UBXN11: variants seen among roughly 807,000 people sequenced by gnomAD.
UBXN11 encodes the protein UBX domain-containing protein 11.
In UBXN11, 47 loss-of-function variants were observed where a neutral mutation model predicts 62.8. The observed-to-expected ratio is 0.75, with a 90% CI of 0.59 to 0.95. UBXN11 has a LOEUF of 0.95. UBXN11 is among the 40% of genes least tolerant of loss of function. The pLI, the probability that UBXN11 is intolerant of heterozygous loss-of-function variation, is 0.00. For synonymous variants in UBXN11, 294 were observed against 267.0 expected (o/e 1.10, Z -0.99); for missense variants, 638 against 661.7 (o/e 0.96, Z 0.39).
At chr1:26,286,146 T>A in intron 8 of UBXN11, 109 bp from the exon 9 acceptor site, 1 of 966,218 alleles carries the variant, frequency 1.0e-6, no homozygotes, top group Non-Finnish European at 1.5e-6. Context: ...AATGTCTCCT[T>A]AACTGACTGC....
chr1:26,282,593 A>G, intron 14 of UBXN11, 24 bp from the exon 15 acceptor site: 6 of 1,611,498 alleles, frequency 3.7e-6, no homozygotes, highest in Non-Finnish European at 5.1e-6. Context: ...AGAGCAGATC[A>G]GGCTGGGCAG....
At chr1:26,317,363 A>C (rs2073807989) in intron 1 of UBXN11, among the ~76,000 whole-genome samples, 1 of 152,190 alleles carries the variant, frequency 6.6e-6, no homozygotes, top group South Asian at 2.1e-4. Context: ...AACTGAAACC[A>C]GGCTTCCCGA....
At chr1:26,302,974 G>A (rs11803933) in intron 1 of UBXN11, 56 bp from the exon 2 acceptor site, 2 of 1,299,620 alleles carry the variant, frequency 1.5e-6, no homozygotes, top group South Asian at 1.3e-5. Flanking sequence ...CCAAGCCCAG[G>A]GGGTAGCCTG....
chr1:26,310,356 G>A (rs2073728681), upstream of UBXN11, among the ~76,000 whole-genome samples: 1 of 152,152 alleles, frequency 6.6e-6, no homozygotes. Context: ...TGGCCAACAT[G>A]GTGAAACCCC....
At chr1:26,318,144 G>A (rs999435701) in exon 1 of UBXN11, 4 of 1,278,948 alleles carry the variant, frequency 3.1e-6, no homozygotes, top group East Asian at 4.6e-5. Flanking sequence ...CATACAGGAT[G>A]TGAGCTCCCA....
At chr1:26,296,203 T>TGTGAGTGGGGGAAAGAAAG (rs1361825745) in intron 7 of UBXN11, among the ~76,000 whole-genome samples, 1 of 152,224 alleles carries the variant, frequency 6.6e-6, no homozygotes, top group African/African-American at 2.4e-5. Flanking sequence ...TGAATGGGTC[T>TGTGAGTGGGGGAAAGAAAG]GTGAGCGGGG....
At chr1:26,290,174 C>T (rs2073226514) in intron 8 of UBXN11, among the ~76,000 whole-genome samples, 1 of 152,220 alleles carries the variant, frequency 6.6e-6, no homozygotes, top group Admixed American at 6.5e-5. Context: ...GCATCACAGC[C>T]AATCACATGC....
chr1:26,302,684 G>T, intron 2 of UBXN11, 129 bp downstream of exon 2: 1 of 997,876 alleles, frequency 1.0e-6, no homozygotes, highest in South Asian at 1.9e-5. Flanking sequence ...AAAAGACAGT[G>T]GTCAGGGAAG....
chr1:26,289,278 T>C (rs1021717839), intron 8 of UBXN11, among the ~76,000 whole-genome samples: 4 of 152,252 alleles, frequency 2.6e-5, no homozygotes, highest in Non-Finnish European at 4.4e-5. Flanking sequence ...GTTTGGCAGA[T>C]GGTGGCTGTT....
chr1:26,302,831 G>C lies in UBXN11; in HGVS notation c.53C>G (p.Ser18Trp). ...TCCTTACCCAGGATTCATAGGCTCCGAGGGCAGGGGCACTTTTCGGGTCTT... is the reference window on the plus strand; with the variant it reads ...TCCTTACCCAGGATTCATAGGCTCCCAGGGCAGGGGCACTTTTCGGGTCTT... ...LSKTRKVPLP[S>W]EPMNPGRRGI... Residue 18 changes from serine (S) to tryptophan (W), a missense_variant, in exon 2 of 15, where the codon TCG becomes TGG. Coordinates refer to ENST00000374222, the MANE Select transcript of UBXN11 (RefSeq NM_001389556.1). The C allele has an allele frequency of 6.2e-7, 1 of 1,613,768 alleles. No individual in the cohort carries two copies. The highest frequency in any genetic ancestry group is 1.1e-5 in the South Asian group (1 of 91,058).
upstream of UBXN11, among the ~76,000 whole-genome samples, chr1:26,308,324 A>C (rs2073704339): frequency 6.6e-6 from 1 of 152,136 alleles, no homozygotes; most frequent in African/African-American, 2.4e-5. Context: ...AAACAAGCTC[A>C]GGGTAGTACA....
rs1243987459 is a variant in UBXN11 at position 26,282,310 on chromosome 1, TGGGACTGGGTCCAGGACA to T, written c.1534_1551del (p.Cys512_Pro517del). On this transcript the variant is annotated inframe_deletion, in exon 15 of 15. Coordinates refer to ENST00000374222, the MANE Select transcript of UBXN11 (RefSeq NM_001389556.1). ...AGGGGGCGGGTGCTTTATTGGGGGC[TGGGACTGGGTCCAGGACA>T]GGGACTGGGGCCGGGACCGGGACCG... The T allele has an allele frequency of 1.3e-4, 193 of 1,466,928 alleles. 1 individual carries two copies. The highest frequency in any genetic ancestry group is 1.3e-3 in the Middle Eastern group (6 of 4,604). The allele number at this position is 1,466,928 out of a possible 1,614,324, so 90.9% of individuals were successfully genotyped here. A position where few individuals can be genotyped will look rare whatever the true frequency, so the allele number is the denominator to read the frequency against.
rs754597365 is a variant in UBXN11, at chr1:26,284,271, C to T, written c.974-26G>A. ...CTACAGGCAGAGTTGGGAACCGGGG[C>T]CCAGGAAGGACTATGAGTGGTGGTG... On this transcript the variant is annotated intron_variant, in intron 11 of 14. Coordinates refer to ENST00000374222, the MANE Select transcript of UBXN11 (RefSeq NM_001389556.1). 18 of 1,606,468 alleles carry T rather than the reference C, an allele frequency of 1.1e-5. No homozygotes were observed. In the South Asian group the frequency reaches 1.9e-4, roughly 17 times the overall value.
intron 1 of UBXN11, among the ~76,000 whole-genome samples, chr1:26,316,215 C>T (rs1308948782): frequency 2.0e-5 from 3 of 149,330 alleles, no homozygotes; most frequent in East Asian, 2.0e-4. Context: ...GTTATCTGCC[C>T]GCCTCAGCCT....
chr1:26,295,530 T>TC (rs1364731802), intron 7 of UBXN11, among the ~76,000 whole-genome samples: 1 of 152,000 alleles, frequency 6.6e-6, no homozygotes, highest in African/African-American at 2.4e-5. Context: ...CACGACCTCT[T>TC]CTCTTTTCCC....
chr1:26,283,700 G>A (rs2073056867), intron 12 of UBXN11, among the ~76,000 whole-genome samples: 1 of 152,162 alleles, frequency 6.6e-6, no homozygotes, highest in Non-Finnish European at 1.5e-5. Context: ...TTAGCAATGT[G>A]TGGGTGAGGG....
At position 26,292,449 on chromosome 1, in the gene UBXN11, GTT is replaced by G. The variant is rs1158592141; in HGVS notation, c.559+1754_559+1755del. On this transcript the variant is annotated intron_variant, in intron 8 of 14. Coordinates refer to ENST00000374222, the MANE Select transcript of UBXN11 (RefSeq NM_001389556.1). The stretch of plus-strand genomic sequence containing the variant: ...TGGGAGGATCACTTCAGCCCAGGAG[GTT>G]GAGGCTGCAGTGAGCCATGACTGTG... Among the ~76,000 whole-genome samples the G allele has an allele frequency of 3.3e-5, 5 of 152,324 alleles. No individual in the cohort carries two copies. The East Asian group carries it at 9.6e-4, about 29-fold the overall frequency.
Position 26,302,801 on chromosome 1 carries a change from C to T in UBXN11, c.71+12G>A, listed in dbSNP as rs1186482500. The T allele has an allele frequency of 6.2e-7, 1 of 1,612,466 alleles. No homozygotes were observed. The highest frequency in any genetic ancestry group is 1.7e-5 in the Admixed American group (1 of 59,814). On this transcript the variant is annotated intron_variant, in intron 2 of 14. Coordinates refer to ENST00000374222, the MANE Select transcript of UBXN11 (RefSeq NM_001389556.1). ...GGCGGGGACAGAAAGACCCCTGAGG[C>T]TGGCTCCTTACCCAGGATTCATAGG...
intron 8 of UBXN11, among the ~76,000 whole-genome samples, chr1:26,287,443 C>T (rs2073158455): frequency 6.6e-6 from 1 of 152,118 alleles, no homozygotes; most frequent in South Asian, 2.1e-4. Flanking sequence ...GGGGCCTGTT[C>T]TGTCATCTTT....
Sources: gnomAD v4.1 joint callset for allele counts (sites outside exome capture counted in the v4.1 genomes callset) on GRCh38, gnomAD v4.1.1 for gene constraint, MANE v1.5 for transcripts, NCBI Gene and HGNC (gene_info 2026-07-23, HGNC 2026-07-21) for gene names.